SIK3: variants seen among roughly 807,000 people sequenced by gnomAD.
SIK3 encodes the protein SIK family kinase 3.
Under a neutral mutation model 144.2 loss-of-function variants are expected in SIK3, and 28 were observed. That is an observed-to-expected ratio of 0.19 (90% CI 0.14 to 0.27). The LOEUF (loss-of-function observed/expected upper bound fraction) is 0.27, where lower values mean the gene tolerates loss of function less well. Ranked by LOEUF, SIK3 falls within the 10% of genes least tolerant of loss-of-function variation. The pLI, the probability that SIK3 is intolerant of heterozygous loss-of-function variation, is 1.00. For synonymous variants in SIK3, 686 were observed against 676.3 expected (o/e 1.01, Z -0.22); for missense variants, 1,319 against 1,776.0 (o/e 0.74, Z 4.62).
At chr11:117,084,022 A>C (rs186909643) in intron 1 of SIK3, among the ~76,000 whole-genome samples, 1 of 152,194 alleles carries the variant, frequency 6.6e-6, no homozygotes, top group South Asian at 2.1e-4. Flanking sequence ...ATAAATAATA[A>C]AAGATTCTAT....
intron 3 of SIK3, among the ~76,000 whole-genome samples, chr11:116,938,903 C>G (rs1246538153): frequency 6.6e-6 from 1 of 152,088 alleles, no homozygotes; most frequent in Non-Finnish European, 1.5e-5. Context: ...ATACTAAAAT[C>G]CATAATTGCA....
intron 1 of SIK3, among the ~76,000 whole-genome samples, chr11:116,969,153 A>G (rs919795207): frequency 1.3e-5 from 2 of 151,820 alleles, no homozygotes; most frequent in Non-Finnish European, 2.9e-5. Context: ...AGCTGGGCGT[A>G]GTGGCAGGCG....
At position 116,876,238 on chromosome 11, in the gene SIK3, C is replaced by T. The variant is rs778304549; in HGVS notation, c.1095+15G>A. The T allele has an allele frequency of 3.7e-6, 6 of 1,608,354 alleles. No homozygotes were observed. Among genetic ancestry groups the T allele is most frequent in the Non-Finnish European group, 5.1e-6 (6 of 1,176,306 alleles). The stretch of plus-strand genomic sequence containing the variant: ...CTGCTACATCCCACTTTGTTCTCCA[C>T]TCCTTCGGAGATACCTGCAGTGTCT... On this transcript the variant is annotated intron_variant, in intron 8 of 24. Coordinates refer to ENST00000445177, the MANE Select transcript of SIK3 (RefSeq NM_001366686.3).
intron 12 of SIK3, 42 bp from the exon 13 acceptor site, chr11:116,873,678 G>A: frequency 6.6e-7 from 1 of 1,520,368 alleles, no homozygotes; most frequent in Non-Finnish European, 8.8e-7. Flanking sequence ...TGAGATGAGG[G>A]GAAGGCGGGG....
At position 116,898,123 on chromosome 11, in the gene SIK3, C is replaced by A. The variant is rs555875570; in HGVS notation, c.617-806G>T. ...ATATCTCCCAATGCTATCCCTCCCC[C>A]GTCCCCCCACCCCACAACAGTCCCC... On this transcript the variant is annotated intron_variant, in intron 4 of 24. Coordinates refer to ENST00000445177, the MANE Select transcript of SIK3 (RefSeq NM_001366686.3). Among the ~76,000 whole-genome samples, 211 of 151,836 alleles carry A rather than the reference C, an allele frequency of 1.4e-3. 6 individuals carry two copies. Among genetic ancestry groups the A allele is most frequent in the Non-Finnish European group, 3.4e-4 (23 of 67,958 alleles).
intron 19 of SIK3, 115 bp from the exon 20 acceptor site, chr11:116,859,719 A>G (rs1943205900): frequency 1.2e-6 from 1 of 837,024 alleles, no homozygotes; most frequent in Middle Eastern, 2.6e-4. Context: ...TGCTTCTCAA[A>G]CTGCACTGAG....
chr11:117,013,603 A>C (rs1337469916), intron 1 of SIK3, among the ~76,000 whole-genome samples: 2 of 152,138 alleles, frequency 1.3e-5, no homozygotes, highest in Non-Finnish European at 2.9e-5. Flanking sequence ...TCTCACACAG[A>C]AAGGACACAC....
intron 1 of SIK3, among the ~76,000 whole-genome samples, chr11:117,005,481 T>C (rs1951014499): frequency 6.6e-6 from 1 of 152,058 alleles, no homozygotes; most frequent in South Asian, 2.1e-4. Flanking sequence ...AAACGTTTCT[T>C]AGAAACAGAA....
rs182358127 is a variant in SIK3 at position 116,846,109 on chromosome 11, G to A, written c.*13+274C>T. ...CACTTCTGTCGCTATGAAGGCTAGA[G>A]CACCTGTAACACACGGCGAGTCTTG... On this transcript the variant is annotated intron_variant, in intron 24 of 24. Transcript: ENST00000445177. The surrounding 1 kb of genome is among the most constrained non-coding windows in gnomAD (Gnocchi z 4.1). 6.6e-6 allele frequency among the ~76,000 whole-genome samples: 1 copy of A among 152,348 alleles called. No homozygotes were observed. Among genetic ancestry groups the A allele is most frequent in the Admixed American group, 6.5e-5 (1 of 15,302 alleles).
chr11:116,846,973 T>G lies in SIK3; in HGVS notation c.3953-420A>C, dbSNP rs977039507. ...TGATACTCACTAAGCCAGCCAGCCC[T>G]CAGGGCACAATGTAGGATAAAGGCT... On this transcript the variant is annotated intron_variant, in intron 23 of 24. Coordinates refer to ENST00000445177, the MANE Select transcript of SIK3 (RefSeq NM_001366686.3). This position sits in a 1 kb window ranked among gnomAD's most constrained non-coding sequence, Gnocchi z 4.1. Among the ~76,000 whole-genome samples, 2 of 152,158 alleles carry G rather than the reference T, an allele frequency of 1.3e-5. No homozygotes were observed. Among genetic ancestry groups the G allele is most frequent in the Non-Finnish European group, 2.9e-5 (2 of 68,030 alleles).
rs536459351 is a variant in SIK3, at chr11:117,084,280, T to C, written c.273+13863A>G. Among the ~76,000 whole-genome samples the C allele has an allele frequency of 5.9e-5, 9 of 152,294 alleles. No homozygotes were observed. In the East Asian group the frequency reaches 1.7e-3, roughly 29 times the overall value. ...TTTTGGTTTTTTTGTGGTTGGTTTG[T>C]TTGAGATGGAGTCTCGCTCTGTGGC... On this transcript the variant is annotated intron_variant, in intron 1 of 24. Coordinates refer to ENST00000445177, the MANE Select transcript of SIK3 (RefSeq NM_001366686.3).
intron 1 of SIK3, among the ~76,000 whole-genome samples, chr11:117,006,914 T>C (rs1030423426): frequency 3.3e-5 from 5 of 152,022 alleles, no homozygotes; most frequent in African/African-American, 1.2e-4. Flanking sequence ...TAAAGGAAAA[T>C]AAAGTGATTT....
intron 1 of SIK3, among the ~76,000 whole-genome samples, chr11:117,029,140 C>T (rs1952148059): frequency 1.3e-5 from 2 of 152,164 alleles, no homozygotes; most frequent in South Asian, 4.1e-4. Context: ...AACTCTTGAC[C>T]TCAAGTGATC....
intron 1 of SIK3, among the ~76,000 whole-genome samples, chr11:117,049,369 G>A (rs1329121037): frequency 6.6e-6 from 1 of 152,112 alleles, no homozygotes; most frequent in East Asian, 1.9e-4. Context: ...CTTAAGGTCA[G>A]GAGTTCGAGA....
intron 3 of SIK3, among the ~76,000 whole-genome samples, chr11:116,932,647 C>T (rs575640550): frequency 6.6e-6 from 1 of 152,244 alleles, no homozygotes; most frequent in Non-Finnish European, 1.5e-5. Flanking sequence ...TTGCACTACC[C>T]CTACACAGTC....
intron 3 of SIK3, among the ~76,000 whole-genome samples, chr11:116,931,112 CT>C (rs751341529): frequency 2.2e-4 from 33 of 152,342 alleles, no homozygotes; most frequent in African/African-American, 7.5e-4. Context: ...CTTCTTTAAT[CT>C]TTTTGGTCTG....
chr11:116,942,140 T>G (rs151211770), intron 3 of SIK3, among the ~76,000 whole-genome samples: 94 of 152,326 alleles, frequency 6.2e-4, no homozygotes, highest in African/African-American at 1.9e-3. Flanking sequence ...TGTCAAAAAC[T>G]CATTTAACTA....
At chr11:116,985,571 T>C (rs983940017) in intron 1 of SIK3, among the ~76,000 whole-genome samples, 2 of 152,232 alleles carry the variant, frequency 1.3e-5, no homozygotes, top group Non-Finnish European at 2.9e-5. Flanking sequence ...GTCTGCTTTA[T>C]GTCAAACTGT....
chr11:116,876,414 A>C, intron 7 of SIK3, 51 bp from the exon 8 acceptor site: 2 of 1,414,596 alleles, frequency 1.4e-6, no homozygotes, highest in Non-Finnish European at 2.0e-6. Context: ...ACCACATCAA[A>C]TGTGGCACAG....
Sources: gnomAD v4.1 joint callset for allele counts (sites outside exome capture counted in the v4.1 genomes callset) on GRCh38, gnomAD v4.1.1 for gene constraint, Gnocchi (gnomAD v3.1) non-coding constraint, MANE v1.5 for transcripts, NCBI Gene and HGNC (gene_info 2026-07-23, HGNC 2026-07-21) for gene names.